The following FREM1 variants were observed in gnomAD, a reference collection of about 807,000 sequenced individuals.
FREM1 encodes FRAS1 related extracellular matrix 1.
Under a neutral mutation model 210.1 loss-of-function variants are expected in FREM1, and 220 were observed. The observed-to-expected ratio is 1.05, with a 90% CI of 0.94 to 1.17. The LOEUF is 1.17. FREM1 is among the 50% of genes most tolerant of loss of function. The pLI is 0.00. For synonymous variants in FREM1, 1,189 were observed against 980.2 expected, an observed-to-expected ratio of 1.21 and a Z score of -3.98; for missense variants, 3,454 against 2,675.5, an observed-to-expected ratio of 1.29 and a Z score of -6.42.
intron 1 of FREM1, among the ~76,000 whole-genome samples, chr9:14,893,422 C>T (rs531760388): frequency 2.3e-4 from 35 of 152,288 alleles, no homozygotes; most frequent in Middle Eastern, 6.8e-3. Flanking sequence ...CAGTTATGTC[C>T]TTGGGAGCTT....
intron 25 of FREM1, among the ~76,000 whole-genome samples, chr9:14,772,730 G>A (rs974548640): frequency 6.6e-6 from 1 of 152,152 alleles, no homozygotes; most frequent in African/African-American, 2.4e-5. Flanking sequence ...TGTGGCCCGT[G>A]AGGGAAGAAG....
Position 14,846,409 on chromosome 9 carries a change from A to G in FREM1, c.1262-318T>C, listed in dbSNP as rs138851863. Among the ~76,000 whole-genome samples the G allele has an allele frequency of 2.4e-3, 373 of 152,310 alleles. 3 individuals carry two copies. The highest frequency in any genetic ancestry group is 7.6e-3 in the African/African-American group (315 of 41,574). The stretch of plus-strand genomic sequence containing the variant: ...GAGCATTAGGACAAATATCTAATGC[A>G]TGAGGGGCTTAAAACCTAGATGACA... On this transcript the variant is annotated intron_variant, in intron 7 of 36. Transcript: ENST00000380880.
intron 1 of FREM1, among the ~76,000 whole-genome samples, chr9:14,897,424 G>C (rs930233344): frequency 1.1e-4 from 16 of 152,144 alleles, no homozygotes; most frequent in Admixed American, 9.8e-4. Flanking sequence ...GGGGCCCAAA[G>C]AGGCTAAGTG....
rs1847381015 is a variant in FREM1 at position 14,770,670 on chromosome 9, T to C, written c.4994A>G (p.Asp1665Gly). The C allele has an allele frequency of 6.2e-7, 1 of 1,613,600 alleles. No individual in the cohort carries two copies. Among genetic ancestry groups the C allele is most frequent in the Non-Finnish European group, 8.5e-7 (1 of 1,179,624 alleles). ...VLKASDPDTEDDQIIFKILQG... is the reference protein window; with the variant it reads ...VLKASDPDTEGDQIIFKILQG... ...TAGAATTTTAAAGATGATCTGATCGTCCTCAGTGTCAGGGTCTGATGCCTT... is the reference window on the plus strand; with the variant it reads ...TAGAATTTTAAAGATGATCTGATCGCCCTCAGTGTCAGGGTCTGATGCCTT... Residue 1665 changes from aspartate to glycine, a missense_variant, in exon 26 of 37, where the codon GAC (aspartate) becomes GGC (glycine). Coordinates refer to ENST00000380880, the MANE Select transcript of FREM1 (RefSeq NM_001379081.2).
chr9:14,784,607 A>G lies in FREM1; in HGVS notation c.4205T>C (p.Leu1402Pro). 1 of 1,595,858 alleles carries G rather than the reference A, an allele frequency of 6.3e-7. No homozygotes were observed. The highest frequency in any genetic ancestry group is 2.2e-5 in the East Asian group (1 of 44,454). Residue 1402 changes from leucine to proline, a missense_variant, in exon 24 of 37, where the codon CTC becomes CCC. Coordinates refer to ENST00000380880, the MANE Select transcript of FREM1 (RefSeq NM_001379081.2). ...ACCTCTATCACCTTTAGACACCACG[A>G]GTGGTTTTGTAAGGATGACAATATC... Reference protein sequence around the residue: ...KGDIVILTKPLVVSKGDRGFL... With the variant: ...KGDIVILTKPPVVSKGDRGFL...
chr9:14,869,740 C>T (rs1164090704), intron 1 of FREM1, among the ~76,000 whole-genome samples: 3 of 152,216 alleles, frequency 2.0e-5, no homozygotes, highest in Non-Finnish European at 2.9e-5. Context: ...ACACTGGGCA[C>T]ACTTCTGACT....
At chr9:14,753,546 A>G (rs933654405) in intron 29 of FREM1, among the ~76,000 whole-genome samples, 1 of 152,216 alleles carries the variant, frequency 6.6e-6, no homozygotes, top group Non-Finnish European at 1.5e-5. Context: ...TGCAACTTCA[A>G]GGCAAGCTTC....
At chr9:14,868,569 C>T (rs1158581630) in intron 2 of FREM1, among the ~76,000 whole-genome samples, 175 bp downstream of exon 2, 2 of 152,180 alleles carry the variant, frequency 1.3e-5, no homozygotes, top group Non-Finnish European at 2.9e-5. Context: ...AGAAAAGCAG[C>T]GCAATACTAT....
At position 14,803,168 on chromosome 9, in the gene FREM1, TTCTC is replaced by T. The variant is rs1452796253; in HGVS notation, c.3472-1298_3472-1295del. On this transcript the variant is annotated intron_variant, in intron 19 of 36. Coordinates refer to ENST00000380880, the MANE Select transcript of FREM1 (RefSeq NM_001379081.2). ...TTCCCCTTCCTTCCTTCATCTTTCTTTCTCTCTTTCCCTCCTTCCCTTCCTCCCT... is the reference window on the plus strand; with the variant it reads ...TTCCCCTTCCTTCCTTCATCTTTCTTTCTTTCCCTCCTTCCCTTCCTCCCT... Among the ~76,000 whole-genome samples the T allele has an allele frequency of 3.1e-5, 4 of 129,696 alleles. No homozygotes were observed. In the South Asian group the frequency reaches 1.2e-3, roughly 38 times the overall value. The allele number at this position is 129,696 out of a possible 152,430, so 85.1% of individuals were successfully genotyped here. A position where few individuals can be genotyped will look rare whatever the true frequency, so the allele number is the denominator to read the frequency against.
chr9:14,799,867 T>C (rs547731908), intron 20 of FREM1, among the ~76,000 whole-genome samples: 1 of 151,878 alleles, frequency 6.6e-6, no homozygotes, highest in Non-Finnish European at 1.5e-5. Context: ...TACATATGTA[T>C]ACATGTGCCA....
intron 21 of FREM1, among the ~76,000 whole-genome samples, chr9:14,794,890 T>C (rs969032745): frequency 3.3e-5 from 5 of 151,152 alleles, no homozygotes; most frequent in Admixed American, 6.6e-5. Context: ...CCCAGCTACT[T>C]GGGAGGCTGA....
chr9:14,806,762 T>A lies in FREM1; in HGVS notation c.3173A>T (p.Asp1058Val). Residue 1058 changes from aspartate to valine, a missense_variant, in exon 18 of 37, where the codon GAT becomes GTT. Physicochemically the swap from Asp to Val is radical, Grantham distance 152 (BLOSUM62 -3). Transcript: ENST00000380880. ...AGAAACCAAAACAAATTCCAAGTCA[T>A]CTGCTGCAGTGTCAGGGTCAGTGGC... is the stretch of plus-strand genomic sequence containing the variant. Reference protein sequence around the residue: ...LSATDPDTAADDLEFVLVSPP... With the variant: ...LSATDPDTAAVDLEFVLVSPP... 6.2e-7 allele frequency: 1 copy of A among 1,605,954 alleles called. No homozygotes were observed. Among genetic ancestry groups the A allele is most frequent in the Non-Finnish European group, 8.5e-7 (1 of 1,175,860 alleles).
intron 25 of FREM1, among the ~76,000 whole-genome samples, chr9:14,771,493 T>C (rs1847567658): frequency 6.6e-6 from 1 of 152,138 alleles, no homozygotes; most frequent in African/African-American, 2.4e-5. Flanking sequence ...ACCTACACTG[T>C]AGGTTCAAAC....
intron 29 of FREM1, among the ~76,000 whole-genome samples, chr9:14,753,238 T>C (rs1202102003): frequency 6.6e-6 from 1 of 152,110 alleles, no homozygotes; most frequent in African/African-American, 2.4e-5. Context: ...CTTTACAGAG[T>C]AGGTGAGTTC....
intron 1 of FREM1, among the ~76,000 whole-genome samples, chr9:14,874,165 C>G (rs1833252206): frequency 6.6e-6 from 1 of 152,186 alleles, no homozygotes; most frequent in African/African-American, 2.4e-5. Flanking sequence ...GTGGAGGGTT[C>G]TGCAGATGCC....
At chr9:14,880,061 A>T (rs1834516072) in intron 1 of FREM1, among the ~76,000 whole-genome samples, 1 of 152,078 alleles carries the variant, frequency 6.6e-6, no homozygotes, top group Non-Finnish European at 1.5e-5. Context: ...AGTCCTCATG[A>T]TGGGATTCTT....
At chr9:14,830,467 G>A (rs945922479) in intron 10 of FREM1, among the ~76,000 whole-genome samples, 1 of 152,140 alleles carries the variant, frequency 6.6e-6, no homozygotes, top group Non-Finnish European at 1.5e-5. Context: ...TCAGTACATT[G>A]AGAACACTTT....
chr9:14,822,421 G>A (rs974811775), intron 13 of FREM1, among the ~76,000 whole-genome samples: 4 of 152,150 alleles, frequency 2.6e-5, no homozygotes, highest in African/African-American at 9.7e-5. Flanking sequence ...CCGGGAAAGT[G>A]ACCTCTTTCC....
At chr9:14,781,853 G>A (rs969828825) in intron 24 of FREM1, among the ~76,000 whole-genome samples, 3 of 152,112 alleles carry the variant, frequency 2.0e-5, no homozygotes, top group South Asian at 2.1e-4. Context: ...ACAGGTGCCC[G>A]CCACCACTCC....
Sources: allele counts gnomAD v4.1 joint callset (sites outside exome capture counted in the v4.1 genomes callset), GRCh38; gene constraint gnomAD v4.1.1; transcripts MANE v1.5; gene names NCBI Gene and HGNC (gene_info 2026-07-23, HGNC 2026-07-21).